LRRC4C: variants seen among roughly 807,000 people sequenced by gnomAD.
LRRC4C encodes leucine-rich repeat-containing protein 4C.
A neutral mutation model predicts 33.6 loss-of-function variants in LRRC4C; 5 were observed. The observed-to-expected ratio is 0.15, with a 90% confidence interval of 0.08 to 0.31. The LOEUF is 0.31. Ranked by LOEUF, LRRC4C falls within the 10% of genes least tolerant of loss-of-function variation. The probability of loss-of-function intolerance (pLI) is 1.00; values close to 1 mark genes in which losing one functional copy is unlikely to be tolerated. For synonymous variants in LRRC4C, 329 were observed against 302.0 expected (o/e 1.09, Z -0.93); for missense variants, 560 against 796.7 (o/e 0.70, Z 3.58).
chr11:41,110,411 C>T (rs1941761680), intron 1 of LRRC4C, among the ~76,000 whole-genome samples: 1 of 151,878 alleles, frequency 6.6e-6, no homozygotes, highest in African/African-American at 2.4e-5. Context: ...CTTATTGTTC[C>T]CATCTTAAAA....
Position 40,709,461 on chromosome 11 carries a change from T to C in LRRC4C, c.-406-61183A>G, listed in dbSNP as rs1465106264. On this transcript the variant is annotated intron_variant, in intron 2 of 6. Coordinates refer to ENST00000528697, the MANE Select transcript of LRRC4C (RefSeq NM_001258419.2). ...AAGGATTTTATTTCTCCTTCACTTA[T>C]GAAGCTTAGTTTGGCTGGATATGAA... Among the ~76,000 whole-genome samples the C allele has an allele frequency of 5.3e-5, 8 of 152,282 alleles. No homozygotes were observed. The East Asian group carries it at 5.8e-4, about 11-fold the overall frequency.
rs144414695 is a variant in LRRC4C, at chr11:40,600,684, C to T, written c.-270+47458G>A. On this transcript the variant is annotated intron_variant, in intron 3 of 6. Coordinates refer to ENST00000528697, the MANE Select transcript of LRRC4C (RefSeq NM_001258419.2). The stretch of plus-strand genomic sequence containing the variant: ...TCAAACTTCCAAAATAAGAGATAAT[C>T]TATTTGTATTCTCCAGGACCACACT... Among the ~76,000 whole-genome samples, 215 of 152,258 alleles carry T rather than the reference C, an allele frequency of 1.4e-3. 1 individual carries two copies. Among genetic ancestry groups the T allele is most frequent in the African/African-American group, 5.0e-3 (206 of 41,548 alleles).
intron 1 of LRRC4C, among the ~76,000 whole-genome samples, chr11:41,382,081 G>T (rs941469644): frequency 2.0e-5 from 3 of 151,810 alleles, no homozygotes; most frequent in African/African-American, 7.3e-5. Context: ...ATTTGAATAG[G>T]CAATGACTCA....
chr11:41,420,804 T>C lies in LRRC4C; in HGVS notation c.-496+38627A>G, dbSNP rs144784750. Among the ~76,000 whole-genome samples, 83 of 152,090 alleles carry C rather than the reference T, an allele frequency of 5.5e-4. 1 individual carries two copies. In the East Asian group the frequency reaches 0.015, roughly 27 times the overall value. On this transcript the variant is annotated intron_variant, in intron 1 of 6. Coordinates refer to ENST00000528697, the MANE Select transcript of LRRC4C (RefSeq NM_001258419.2). Reference sequence around the variant, plus strand: ...ATTACACCTGCTGTCTGAAGTCACATTGAGGATTAACTAAAACAGTAACAT... The same window carrying C: ...ATTACACCTGCTGTCTGAAGTCACACTGAGGATTAACTAAAACAGTAACAT...
intron 3 of LRRC4C, among the ~76,000 whole-genome samples, chr11:40,482,270 G>A (rs1255875076): frequency 6.6e-6 from 1 of 152,042 alleles, no homozygotes; most frequent in African/African-American, 2.4e-5. Context: ...AAGAAACCTT[G>A]GGCTGGTAGT....
At chr11:40,259,335 C>G (rs574697662) in intron 4 of LRRC4C, among the ~76,000 whole-genome samples, 7 of 149,518 alleles carry the variant, frequency 4.7e-5, no homozygotes, top group Non-Finnish European at 1.0e-4. Context: ...GAGTAGGTTG[C>G]AAAAATTTTC....
intron 6 of LRRC4C, among the ~76,000 whole-genome samples, chr11:40,123,678 G>A (rs910679227): frequency 1.1e-4 from 17 of 151,956 alleles, no homozygotes; most frequent in African/African-American, 3.9e-4. Flanking sequence ...GCAATCTACA[G>A]ATTCAATGCA....
At chr11:40,893,861 A>T (rs894605012) in intron 2 of LRRC4C, among the ~76,000 whole-genome samples, 1 of 151,970 alleles carries the variant, frequency 6.6e-6, no homozygotes, top group Admixed American at 6.6e-5. Context: ...ATTCACACAG[A>T]GGCATATATA....
chr11:40,114,759 T>A lies in LRRC4C; in HGVS notation c.1534A>T (p.Ile512Leu), dbSNP rs746466383. The A allele has an allele frequency of 8.1e-6, 13 of 1,614,198 alleles. No homozygotes were observed. In the East Asian group the frequency reaches 2.9e-4, roughly 36 times the overall value. ...EKTFTIPVTD[I>L]NSGIPGIDEV... ...TCAATTCCTGGGATCCCACTGTTTATATCAGTCACTGGGATGGTGAAGGTT... is the reference window on the plus strand; with the variant it reads ...TCAATTCCTGGGATCCCACTGTTTAAATCAGTCACTGGGATGGTGAAGGTT... Residue 512 changes from isoleucine to leucine, a missense_variant, in exon 7 of 7, where the codon ATA (isoleucine) becomes TTA (leucine). By Grantham distance (5) the Ile-to-Leu change is conservative. Coordinates refer to ENST00000528697, the MANE Select transcript of LRRC4C (RefSeq NM_001258419.2).
At chr11:41,300,735 T>C (rs1183268792) in intron 1 of LRRC4C, among the ~76,000 whole-genome samples, 2 of 152,174 alleles carry the variant, frequency 1.3e-5, no homozygotes, top group Non-Finnish European at 2.9e-5. Context: ...CTTAACTATG[T>C]CCATTAGTCC....
intron 1 of LRRC4C, among the ~76,000 whole-genome samples, chr11:41,421,399 G>A (rs1565659951): frequency 6.6e-6 from 1 of 151,922 alleles, no homozygotes; most frequent in Non-Finnish European, 1.5e-5. Flanking sequence ...AGTGTGTCAG[G>A]AAAACACTAA....
intron 3 of LRRC4C, among the ~76,000 whole-genome samples, chr11:40,390,721 C>T (rs529822750): frequency 6.6e-6 from 1 of 152,046 alleles, no homozygotes; most frequent in African/African-American, 2.4e-5. Flanking sequence ...GGGTCAGGGA[C>T]CTGACTCATT....
chr11:40,136,363 T>C (rs1037434069), intron 6 of LRRC4C, among the ~76,000 whole-genome samples: 3 of 151,850 alleles, frequency 2.0e-5, no homozygotes, highest in African/African-American at 7.3e-5. Flanking sequence ...GCCTCCTGGG[T>C]TCACGCCATT....
intron 3 of LRRC4C, among the ~76,000 whole-genome samples, chr11:40,638,039 C>A (rs1335968338): frequency 2.0e-5 from 3 of 152,164 alleles, no homozygotes; most frequent in South Asian, 4.1e-4. Flanking sequence ...ACCTTCCTAG[C>A]TTTCTCAGCT....
intron 4 of LRRC4C, among the ~76,000 whole-genome samples, chr11:40,248,662 A>G (rs549934814): frequency 6.6e-6 from 1 of 152,218 alleles, no homozygotes; most frequent in East Asian, 1.9e-4. Flanking sequence ...AGGATCTTGC[A>G]CTTACACTGG....
intron 5 of LRRC4C, among the ~76,000 whole-genome samples, chr11:40,171,794 C>A (rs1429803041): frequency 6.6e-6 from 1 of 152,150 alleles, no homozygotes; most frequent in Non-Finnish European, 1.5e-5. Flanking sequence ...AGTGGTCCTA[C>A]ACAGACTTTG....
intron 2 of LRRC4C, among the ~76,000 whole-genome samples, chr11:40,653,976 A>T (rs896381454): frequency 1.3e-5 from 2 of 152,190 alleles, no homozygotes; most frequent in African/African-American, 4.8e-5. Flanking sequence ...GCTTCAAAGG[A>T]TGCAGGCCCC....
At chr11:40,298,503 C>A (rs771294305) in intron 4 of LRRC4C, among the ~76,000 whole-genome samples, 3 of 150,654 alleles carry the variant, frequency 2.0e-5, no homozygotes, top group Non-Finnish European at 4.4e-5. Flanking sequence ...TGGCAGAAAT[C>A]CAATAGAGCA....
At chr11:40,741,006 A>AT (rs1240595231) in intron 2 of LRRC4C, among the ~76,000 whole-genome samples, 1 of 151,892 alleles carries the variant, frequency 6.6e-6, no homozygotes, top group Non-Finnish European at 1.5e-5. Flanking sequence ...CCAGTACCAT[A>AT]TTTTTTATTA....
Sources: allele counts gnomAD v4.1 joint callset (sites outside exome capture counted in the v4.1 genomes callset), GRCh38; gene constraint gnomAD v4.1.1; transcripts MANE v1.5; gene names NCBI Gene and HGNC (gene_info 2026-07-23, HGNC 2026-07-21).